Variants in RORB observed in about 807,000 individuals in gnomAD.
RORB encodes RAR related orphan receptor B.
In RORB, 6 loss-of-function variants were observed where a neutral mutation model predicts 59.1. The observed-to-expected ratio is 0.10, with a 90% CI of 0.06 to 0.20. RORB has a LOEUF of 0.20. Ranked by LOEUF, RORB falls within the 10% of genes least tolerant of loss-of-function variation. The probability of loss-of-function intolerance (pLI) is 1.00; values close to 1 mark genes in which losing one functional copy is unlikely to be tolerated. For synonymous variants in RORB, 215 were observed against 204.5 expected (o/e 1.05, Z -0.44); for missense variants, 320 against 560.5 (o/e 0.57, Z 4.33).
intron 4 of RORB, among the ~76,000 whole-genome samples, chr9:74,656,267 C>A (rs1674701518): frequency 6.6e-6 from 1 of 152,058 alleles, no homozygotes; most frequent in South Asian, 2.1e-4. Flanking sequence ...ATCTGCTGGT[C>A]CCATGTATTC....
chr9:74,541,969 T>G (rs1350331511), intron 1 of RORB, among the ~76,000 whole-genome samples: 1 of 152,126 alleles, frequency 6.6e-6, no homozygotes, highest in African/African-American at 2.4e-5. Flanking sequence ...TCAGCCCAAA[T>G]TTATACTACC....
At position 74,669,513 on chromosome 9, in the gene RORB, A is replaced by T. The variant is rs528432663; in HGVS notation, c.1111+1612A>T. 6.0e-5 allele frequency among the ~76,000 whole-genome samples: 9 copies of T among 151,242 alleles called. No homozygotes were observed. The South Asian group carries it at 1.7e-3, about 28-fold the overall frequency. On this transcript the variant is annotated intron_variant, in intron 8 of 9. Coordinates refer to ENST00000376896, the MANE Select transcript of RORB (RefSeq NM_006914.4). ...AAAAAAAAAGTATATGCCAACTTAAAATATAATAATAAATAATATAATCAT... is the reference window on the plus strand; with the variant it reads ...AAAAAAAAAGTATATGCCAACTTAATATATAATAATAAATAATATAATCAT...
In RORB at chr9:74,688,050, G is replaced by T. The variant is rs376869716; in HGVS notation, c.*2432G>T. 25 of 152,304 alleles carry T rather than the reference G, an allele frequency of 1.6e-4. No individual in the cohort carries two copies. The highest frequency in any genetic ancestry group is 6.0e-4 in the African/African-American group (25 of 41,566). 9.4% of individuals were successfully genotyped at this position (152,304 alleles called of 1,614,324 possible). A position where few individuals can be genotyped will look rare whatever the true frequency, so the allele number is the denominator to read the frequency against. On this transcript the variant is annotated 3_prime_UTR_variant, in exon 10 of 10. Transcript: ENST00000376896. ...TTGGCTCAATTGATGAAGTGGCTCA[G>T]AATTTTTTCCTCCCTTTTCCCATGG...
At chr9:74,499,242 G>A (rs562762015) in intron 1 of RORB, 40 of 152,740 alleles carry the variant, frequency 2.6e-4, no homozygotes, top group African/African-American at 9.1e-4. Flanking sequence ...AGGTGGTCTA[G>A]GCAGGGAGCA....
At chr9:74,577,210 T>G (rs1006515400) in intron 1 of RORB, among the ~76,000 whole-genome samples, 1 of 152,116 alleles carries the variant, frequency 6.6e-6, no homozygotes, top group African/African-American at 2.4e-5. Flanking sequence ...AGTTTCTTCT[T>G]GTACAATCAG....
intron 4 of RORB, among the ~76,000 whole-genome samples, chr9:74,659,946 G>A (rs1184696517): frequency 6.6e-6 from 1 of 151,448 alleles, no homozygotes; most frequent in African/African-American, 2.4e-5. Context: ...AAATTAAAAA[G>A]GAGAATATAA....
Position 74,665,609 on chromosome 9 carries a change from T to C in RORB, c.1000+14T>C. On this transcript the variant is annotated intron_variant, in intron 7 of 9. Transcript: ENST00000376896. ...TCAAAGCCTTAGGTAAGTTTCCCTT[T>C]GATGAGGACACAATTTTATTAGCCA... 1.3e-6 allele frequency: 2 copies of C among 1,505,922 alleles called. No individual in the cohort carries two copies. The highest frequency in any genetic ancestry group is 1.8e-6 in the Non-Finnish European group (2 of 1,083,598). 93.3% of individuals were successfully genotyped at this position (1,505,922 alleles called of 1,614,324 possible).
intron 1 of RORB, among the ~76,000 whole-genome samples, chr9:74,502,175 G>A (rs1825812494): frequency 6.6e-6 from 1 of 151,986 alleles, no homozygotes; most frequent in Admixed American, 6.6e-5. Context: ...TATTTGCATA[G>A]ATTATATTTT....
intron 3 of RORB, among the ~76,000 whole-genome samples, chr9:74,635,845 A>G (rs1327828): frequency 0.96 from 145,671 of 152,116 alleles, 70,083 homozygotes; most frequent in East Asian, 1. Context: ...TAATTGGCAT[A>G]CATTTAGTAT....
chr9:74,499,408 A>C (rs1825773642), intron 1 of RORB, among the ~76,000 whole-genome samples: 1 of 152,066 alleles, frequency 6.6e-6, no homozygotes, highest in African/African-American at 2.4e-5. Context: ...GCCTGGACTC[A>C]AGGGTTTGCT....
chr9:74,499,944 T>A (rs542975662), intron 1 of RORB, among the ~76,000 whole-genome samples: 3 of 151,954 alleles, frequency 2.0e-5, no homozygotes, highest in Non-Finnish European at 4.4e-5. Context: ...CGGCGCGGGG[T>A]GGGGATGGGT....
In RORB at chr9:74,692,589, C is replaced by T. The variant is rs1002059927; in HGVS notation, c.*6971C>T. The T allele has an allele frequency of 6.6e-6, 1 of 152,120 alleles. No individual in the cohort carries two copies. The highest frequency in any genetic ancestry group is 1.9e-4 in the East Asian group (1 of 5,190). The allele number at this position is 152,120 out of a possible 1,614,324, so 9.4% of individuals were successfully genotyped here. A position where few individuals can be genotyped will look rare whatever the true frequency, so the allele number is the denominator to read the frequency against. On this transcript the variant is annotated 3_prime_UTR_variant, in exon 10 of 10. Transcript: ENST00000376896. ...AGCATGGGAGGGGTACAGTTTGCAT[C>T]TCATTAGCATGCACACCACTGTTGG... is the stretch of plus-strand genomic sequence containing the variant.
chr9:74,570,232 TTACGTGTATCAA>T (rs1439202188), intron 1 of RORB, among the ~76,000 whole-genome samples: 2 of 152,120 alleles, frequency 1.3e-5, no homozygotes, highest in African/African-American at 2.4e-5. Flanking sequence ...ATTTGTATCA[TTACGTGTATCAA>T]TTTATTTATA....
rs546054384 is a variant in RORB, at chr9:74,682,393, C to T, written c.1225-3070C>T. Among the ~76,000 whole-genome samples the T allele has an allele frequency of 4.6e-5, 7 of 151,864 alleles. No homozygotes were observed. In the East Asian group the frequency reaches 1.2e-3, roughly 25 times the overall value. ...GCACATGTATACATATGTAACTAAC[C>T]TGCACGTTGTGCACATGTACCCTAA... On this transcript the variant is annotated intron_variant, in intron 9 of 9. Transcript: ENST00000376896.
intron 1 of RORB, among the ~76,000 whole-genome samples, chr9:74,557,330 G>T (rs1374016775): frequency 6.6e-6 from 1 of 152,152 alleles, no homozygotes; most frequent in Admixed American, 6.5e-5. Context: ...GAATGAGGAG[G>T]CAGGTAACCC....
chr9:74,554,292 G>A (rs1474083266), intron 1 of RORB, among the ~76,000 whole-genome samples: 1 of 152,248 alleles, frequency 6.6e-6, no homozygotes, highest in Non-Finnish European at 1.5e-5. Flanking sequence ...ATCTTGAACT[G>A]GACTTCCTTC....
chr9:74,523,401 C>T (rs1028301776), intron 1 of RORB, among the ~76,000 whole-genome samples: 1 of 151,920 alleles, frequency 6.6e-6, no homozygotes, highest in Non-Finnish European at 1.5e-5. Flanking sequence ...TTAAATAGCT[C>T]CACCTTTAGC....
At chr9:74,636,168 A>G (rs1391444834) in intron 3 of RORB, among the ~76,000 whole-genome samples, 2 of 152,126 alleles carry the variant, frequency 1.3e-5, no homozygotes, top group Admixed American at 1.3e-4. Flanking sequence ...AAATTAAGAG[A>G]GAGGATTAAG....
At chr9:74,581,462 C>T (rs1255373045) in intron 1 of RORB, among the ~76,000 whole-genome samples, 2 of 152,106 alleles carry the variant, frequency 1.3e-5, no homozygotes, top group Admixed American at 6.5e-5. Flanking sequence ...GAACTTAAGA[C>T]CAAAGGAAGT....
Sources: allele counts gnomAD v4.1 joint callset (sites outside exome capture counted in the v4.1 genomes callset), GRCh38; gene constraint gnomAD v4.1.1; transcripts MANE v1.5; gene names NCBI Gene and HGNC (gene_info 2026-07-23, HGNC 2026-07-21).